Variants in MEMO1 observed in about 807,000 individuals in gnomAD.
MEMO1 encodes the protein mediator of cell motility 1, also known as protein MEMO1.
MEMO1 carries 6 observed loss-of-function variants against 45.2 expected under a neutral mutation model. The observed-to-expected ratio is 0.13, with a 90% CI of 0.07 to 0.26. The LOEUF is 0.26. MEMO1 is among the 10% of genes least tolerant of loss of function. The pLI is 1.00. For synonymous variants in MEMO1, 78 were observed against 124.3 expected, an observed-to-expected ratio of 0.63 and a Z score of 2.48; for missense variants, 184 against 370.5, an observed-to-expected ratio of 0.50 and a Z score of 4.13.
chr2:31,984,088 C>T (rs937366923), intron 2 of MEMO1, among the ~76,000 whole-genome samples: 1 of 152,218 alleles, frequency 6.6e-6, no homozygotes, highest in East Asian at 1.9e-4. Flanking sequence ...GTAATGTATG[C>T]AAATATTTCC....
Position 31,917,949 on chromosome 2 carries a change from A to T in MEMO1, c.414T>A (p.Pro138=). The T allele has an allele frequency of 6.2e-7, 1 of 1,609,088 alleles. No individual in the cohort carries two copies. Among genetic ancestry groups the T allele is most frequent in the Non-Finnish European group, 8.5e-7 (1 of 1,178,032 alleles). The change falls in exon 6 of 10, where the codon CCT becomes CCA. Residue 138 remains proline, a synonymous_variant. Transcript: ENST00000404530. ...ACCTTTCCATGGCTTTAGCTGTATA[A>T]GGCAAATGCATTTCAATACTGTGTT... The part of the protein sequence containing the change: ...EDEHSIEMHL[P]YTAKAMESHK...
intron 2 of MEMO1, among the ~76,000 whole-genome samples, chr2:32,002,330 T>C (rs1381752747): frequency 6.7e-6 from 1 of 148,840 alleles, no homozygotes; most frequent in African/African-American, 2.5e-5. Context: ...TATATACATA[T>C]ATACATATAC....
intron 6 of MEMO1, among the ~76,000 whole-genome samples, chr2:31,900,443 C>T (rs1020882816): frequency 2.0e-5 from 3 of 152,050 alleles, no homozygotes; most frequent in Non-Finnish European, 4.4e-5. Context: ...GAAAACCAAA[C>T]ACTGCATGTT....
chr2:31,915,878 T>G (rs1348017593), intron 6 of MEMO1, among the ~76,000 whole-genome samples: 1 of 152,166 alleles, frequency 6.6e-6, no homozygotes, highest in African/African-American at 2.4e-5. Flanking sequence ...ACTAAGTTAC[T>G]TTTACTTAGT....
rs758359349 is a variant in MEMO1 at position 31,966,732 on chromosome 2, C to CAAAAAAAAAAAAAAAAAAAA, written c.62-23350_62-23349insTTTTTTTTTTTTTTTTTTTT. 2.1e-4 allele frequency among the ~76,000 whole-genome samples: 25 copies of CAAAAAAAAAAAAAAAAAAAA among 117,756 alleles called. 2 individuals carry two copies. Among genetic ancestry groups the CAAAAAAAAAAAAAAAAAAAA allele is most frequent in the Admixed American group, 1.2e-3 (12 of 10,026 alleles). The allele number at this position is 117,756 out of a possible 152,430, so 77.3% of individuals were successfully genotyped here. On this transcript the variant is annotated intron_variant, in intron 2 of 9. Transcript: ENST00000404530. ...TGGGTAACAGAGCAAGACTCTGTCT[C>CAAAAAAAAAAAAAAAAAAAA]AAAAAAAAAAAATGAAAAAAATAAA...
At chr2:31,922,320 T>C (rs182094314) in intron 4 of MEMO1, among the ~76,000 whole-genome samples, 1 of 149,636 alleles carries the variant, frequency 6.7e-6, no homozygotes, top group Admixed American at 6.7e-5. Context: ...GATAAAGCTG[T>C]GGATATTAAG....
chr2:31,989,784 G>A (rs977692354), intron 2 of MEMO1, among the ~76,000 whole-genome samples: 2 of 152,034 alleles, frequency 1.3e-5, no homozygotes, highest in Non-Finnish European at 2.9e-5. Context: ...TTTCAGTATA[G>A]CGTTAAATAT....
At chr2:31,913,530 T>A (rs191731791) in intron 6 of MEMO1, among the ~76,000 whole-genome samples, 2,077 of 151,802 alleles carry the variant, frequency 0.014, 36 homozygotes, top group South Asian at 0.064. Context: ...TTTTTTTTTT[T>A]TTATTTTTTG....
chr2:31,978,973 A>T (rs1164974267), intron 2 of MEMO1, among the ~76,000 whole-genome samples: 2 of 152,126 alleles, frequency 1.3e-5, no homozygotes, highest in African/African-American at 4.8e-5. Flanking sequence ...CCCCCCAAAA[A>T]AAAGTCTTGA....
intron 6 of MEMO1, among the ~76,000 whole-genome samples, chr2:31,906,305 TTTTG>T (rs1158333272): frequency 1.2e-3 from 174 of 150,718 alleles, no homozygotes; most frequent in African/African-American, 1.7e-3. Context: ...TTTTTGTTTT[TTTTG>T]TTTGTTTGTT....
At chr2:31,892,638 C>G (rs374255394) in intron 6 of MEMO1, among the ~76,000 whole-genome samples, 2 of 152,112 alleles carry the variant, frequency 1.3e-5, no homozygotes, top group Non-Finnish European at 2.9e-5. Flanking sequence ...TCTTGGCTCC[C>G]GTAAGTTTTA....
At chr2:31,995,722 G>C (rs1475394630) in intron 2 of MEMO1, among the ~76,000 whole-genome samples, 2 of 151,828 alleles carry the variant, frequency 1.3e-5, no homozygotes, top group Non-Finnish European at 2.9e-5. Context: ...TCCTCAAGGA[G>C]GTAATAATAA....
At chr2:31,933,356 T>A (rs1417570558) in intron 3 of MEMO1, among the ~76,000 whole-genome samples, 2,143 of 24,062 alleles carry the variant, frequency 0.089, 122 homozygotes, top group Non-Finnish European at 0.13. Context: ...AAAATTTATA[T>A]ATATATATAT....
At chr2:31,943,732 T>G (rs1376919337) in intron 2 of MEMO1, among the ~76,000 whole-genome samples, 1 of 152,222 alleles carries the variant, frequency 6.6e-6, no homozygotes, top group Non-Finnish European at 1.5e-5. Context: ...ATTGAATATG[T>G]TATAGAGCAC....
At chr2:31,901,938 G>A (rs1046867825) in intron 6 of MEMO1, among the ~76,000 whole-genome samples, 1 of 151,212 alleles carries the variant, frequency 6.6e-6, no homozygotes, top group Non-Finnish European at 1.5e-5. Context: ...AAACTAGATT[G>A]TGAGAATATT....
At chr2:31,945,778 A>G (rs1310076121) in intron 2 of MEMO1, among the ~76,000 whole-genome samples, 2 of 152,210 alleles carry the variant, frequency 1.3e-5, no homozygotes, top group African/African-American at 4.8e-5. Context: ...ATCCTGTCAT[A>G]AAGATATGAG....
chr2:31,922,574 C>T (rs1361051623), intron 4 of MEMO1, among the ~76,000 whole-genome samples: 1 of 151,872 alleles, frequency 6.6e-6, no homozygotes, highest in East Asian at 1.9e-4. Flanking sequence ...ATTATTTGGA[C>T]ACCCAGGTAA....
At chr2:31,979,609 T>C (rs780680838) in intron 2 of MEMO1, among the ~76,000 whole-genome samples, 11 of 152,254 alleles carry the variant, frequency 7.2e-5, no homozygotes, top group Non-Finnish European at 1.0e-4. Context: ...AACTATACAT[T>C]TAAAAATGGT....
intron 6 of MEMO1, among the ~76,000 whole-genome samples, chr2:31,895,324 CA>C (rs1677594996): frequency 6.6e-6 from 1 of 152,040 alleles, no homozygotes; most frequent in Non-Finnish European, 1.5e-5. Flanking sequence ...ATTTAGCAGA[CA>C]AAAACTTCAA....
Sources: gnomAD v4.1 joint callset for allele counts (sites outside exome capture counted in the v4.1 genomes callset) on GRCh38, gnomAD v4.1.1 for gene constraint, MANE v1.5 for transcripts, NCBI Gene and HGNC (gene_info 2026-07-23, HGNC 2026-07-21) for gene names.